TRHDE: variants seen among roughly 807,000 people sequenced by gnomAD.
The protein encoded by TRHDE is thyrotropin releasing hormone degrading enzyme.
In TRHDE, 72 loss-of-function variants were observed where a neutral mutation model predicts 125.7. The observed-to-expected ratio is 0.57, with a 90% CI of 0.47 to 0.70. The LOEUF (loss-of-function observed/expected upper bound fraction) is 0.70. TRHDE is among the 30% of genes least tolerant of loss of function. The pLI is 0.00. For synonymous variants in TRHDE, 509 were observed against 509.1 expected (o/e 1.00, Z 0.00); for missense variants, 1,110 against 1,327.1 (o/e 0.84, Z 2.54).
At chr12:72,186,134 C>T (rs1262438704) in intron 2 of TRHDE, 2 of 152,634 alleles carry the variant, frequency 1.3e-5, no homozygotes, top group African/African-American at 2.4e-5. Flanking sequence ...TGTTCTTTCG[C>T]TCTTTGCAAT....
intron 2 of TRHDE, among the ~76,000 whole-genome samples, chr12:72,172,879 T>G (rs1876903383): frequency 2.0e-5 from 3 of 152,194 alleles, no homozygotes; most frequent in Admixed American, 2.0e-4. Context: ...TACTCAACAT[T>G]TTTCAAACAT....
chr12:72,365,372 C>T (rs1422311396), intron 2 of TRHDE, among the ~76,000 whole-genome samples: 1 of 151,990 alleles, frequency 6.6e-6, no homozygotes, highest in Admixed American at 6.6e-5. Flanking sequence ...AAGTGCAGGG[C>T]CCTGCCTGGG....
intron 7 of TRHDE, among the ~76,000 whole-genome samples, chr12:72,559,239 T>C (rs932823419): frequency 6.6e-6 from 1 of 152,228 alleles, no homozygotes; most frequent in Non-Finnish European, 1.5e-5. Context: ...TATGATGTGC[T>C]AGGCACTATT....
intron 3 of TRHDE, among the ~76,000 whole-genome samples, chr12:72,455,203 A>G (rs1875783294): frequency 6.6e-6 from 1 of 152,152 alleles, no homozygotes; most frequent in African/African-American, 2.4e-5. Flanking sequence ...CAAGTGCTAA[A>G]TTTTATCAAT....
chr12:72,511,311 A>C (rs1444627940), intron 6 of TRHDE, among the ~76,000 whole-genome samples: 3 of 152,154 alleles, frequency 2.0e-5, no homozygotes, highest in Non-Finnish European at 4.4e-5. Context: ...GTATCATTAA[A>C]TTTCTTTTTG....
intron 2 of TRHDE, among the ~76,000 whole-genome samples, chr12:72,129,482 G>C (rs1875811692): frequency 6.6e-6 from 1 of 152,196 alleles, no homozygotes; most frequent in South Asian, 2.1e-4. Flanking sequence ...CTTCTCTTAT[G>C]TGTCTATGCA....
At chr12:72,479,404 T>G (rs1313050018) in intron 5 of TRHDE, among the ~76,000 whole-genome samples, 1 of 152,048 alleles carries the variant, frequency 6.6e-6, no homozygotes, top group Non-Finnish European at 1.5e-5. Context: ...CTTTCATTGC[T>G]TCAAATGGAA....
intron 3 of TRHDE, among the ~76,000 whole-genome samples, chr12:72,441,361 T>C (rs1565742642): frequency 6.6e-6 from 1 of 151,874 alleles, no homozygotes; most frequent in Non-Finnish European, 1.5e-5. Context: ...ATAATAACTT[T>C]TCAGTTTTCC....
chr12:72,378,566 C>G lies in TRHDE; in HGVS notation c.1315+445C>G, dbSNP rs111923793. ...TTCAAACTAGGTCTTGATGACTCCC[C>G]GAACAACTCAATATTTTACATGGAG... On this transcript the variant is annotated intron_variant, in intron 3 of 18. Coordinates refer to ENST00000261180, the MANE Select transcript of TRHDE (RefSeq NM_013381.3). Among the ~76,000 whole-genome samples the G allele has an allele frequency of 9.9e-3, 1,500 of 152,214 alleles. 34 individuals carry two copies. Among genetic ancestry groups the G allele is most frequent in the African/African-American group, 0.034 (1,408 of 41,544 alleles).
At chr12:72,274,837 A>G (rs1879422506) in intron 1 of TRHDE, 1 of 152,264 alleles carries the variant, frequency 6.6e-6, no homozygotes, top group Non-Finnish European at 1.5e-5. Flanking sequence ...CCTGGCATAT[A>G]GAGTATCCAC....
At position 72,236,130 on chromosome 12, in the gene TRHDE, C is replaced by T. The variant is rs114080420; in HGVS notation, n.279+130378C>T. ...AACTAGTTAAAGCTCTCCATCATTA[C>T]GTAGCCTCATGGTTTTTCTTTTGGT... On this transcript the variant is annotated intron_variant and non_coding_transcript_variant, in intron 2 of 4. Transcript: ENST00000548156. 4.9e-3 allele frequency among the ~76,000 whole-genome samples: 751 copies of T among 152,228 alleles called. 10 individuals carry two copies. Among genetic ancestry groups the T allele is most frequent in the African/African-American group, 0.017 (720 of 41,518 alleles).
chr12:72,095,423 C>T (rs1017246734), intron 1 of TRHDE, among the ~76,000 whole-genome samples: 9 of 152,132 alleles, frequency 5.9e-5, no homozygotes, highest in Non-Finnish European at 1.3e-4. Flanking sequence ...AGATTAAAAA[C>T]CACCTCATAA....
intron 2 of TRHDE, among the ~76,000 whole-genome samples, chr12:72,113,141 C>T (rs749622570): frequency 6.6e-6 from 1 of 152,086 alleles, no homozygotes; most frequent in Non-Finnish European, 1.5e-5. Flanking sequence ...CCTCAGCCTC[C>T]CTAGTAGCTG....
chr12:72,573,343 A>G (rs1394148951), intron 10 of TRHDE, among the ~76,000 whole-genome samples: 2 of 152,004 alleles, frequency 1.3e-5, no homozygotes, highest in African/African-American at 4.8e-5. Context: ...CAATTGTTTG[A>G]ATAAACACAC....
intron 2 of TRHDE, among the ~76,000 whole-genome samples, chr12:72,261,657 G>A (rs979107854): frequency 1.3e-5 from 2 of 152,024 alleles, no homozygotes; most frequent in African/African-American, 2.4e-5. Context: ...TAGAGTTTGT[G>A]GGCAAAATGG....
chr12:72,639,455 C>T (rs942834378), intron 15 of TRHDE, among the ~76,000 whole-genome samples: 3 of 152,130 alleles, frequency 2.0e-5, no homozygotes, highest in South Asian at 2.1e-4. Flanking sequence ...TTTGAATGTC[C>T]TCCCGTAGCT....
At chr12:72,553,951 C>G (rs956867765) in intron 7 of TRHDE, among the ~76,000 whole-genome samples, 2 of 151,472 alleles carry the variant, frequency 1.3e-5, no homozygotes, top group African/African-American at 4.9e-5. Flanking sequence ...TGGGTTCAAG[C>G]CATCTCCTGC....
Position 72,663,271 on chromosome 12 carries a change from G to A in TRHDE, c.*76G>A, listed in dbSNP as rs1359438200. 4 of 1,250,038 alleles carry A rather than the reference G, an allele frequency of 3.2e-6. No individual in the cohort carries two copies. Among genetic ancestry groups the A allele is most frequent in the South Asian group, 3.7e-5 (2 of 53,892 alleles). The allele number at this position is 1,250,038 out of a possible 1,614,324, so 77.4% of individuals were successfully genotyped here. On this transcript the variant is annotated 3_prime_UTR_variant, in exon 19 of 19. Transcript: ENST00000261180. Reference sequence around the variant, plus strand: ...ACGCTTTTTGTGGAATGAGGAAAATGTACTACCTAGAAAATGGCCAGATTT... The same window carrying A: ...ACGCTTTTTGTGGAATGAGGAAAATATACTACCTAGAAAATGGCCAGATTT...
chr12:72,288,796 T>TA (rs1388582105), intron 2 of TRHDE, among the ~76,000 whole-genome samples: 1 of 152,186 alleles, frequency 6.6e-6, no homozygotes, highest in Non-Finnish European at 1.5e-5. Context: ...GACTTTTTGT[T>TA]AGAGTTAAGA....
Sources: gnomAD v4.1 joint callset for allele counts (sites outside exome capture counted in the v4.1 genomes callset) on GRCh38, gnomAD v4.1.1 for gene constraint, MANE v1.5 for transcripts, NCBI Gene and HGNC (gene_info 2026-07-23, HGNC 2026-07-21) for gene names.